The following SPOCD1 variants were observed in gnomAD, a reference collection of about 807,000 sequenced individuals.
SPOCD1 encodes the protein SPOC domain containing 1.
SPOCD1 carries 64 observed loss-of-function variants against 92.2 expected under a neutral mutation model. The ratio of observed to expected loss-of-function variants is 0.69; its 90% confidence interval spans 0.57 to 0.86. SPOCD1 has a LOEUF of 0.86. SPOCD1 is among the 40% of genes least tolerant of loss of function. SPOCD1 has a pLI of 0.00. For synonymous variants in SPOCD1, 578 were observed against 619.3 expected (o/e 0.93, Z 0.99); for missense variants, 1,360 against 1,543.1 (o/e 0.88, Z 1.99).
chr1:31,811,208 A>T (rs939495136), intron 2 of SPOCD1, among the ~76,000 whole-genome samples: 1 of 152,224 alleles, frequency 6.6e-6, no homozygotes. Flanking sequence ...GCAGTGGCTC[A>T]TGCCTGTAAT....
chr1:31,797,240 T>A (rs1648092019), intron 9 of SPOCD1, among the ~76,000 whole-genome samples: 1 of 152,236 alleles, frequency 6.6e-6, no homozygotes, highest in South Asian at 2.1e-4. Flanking sequence ...AATGTCACTC[T>A]ATCTGCAATA....
chr1:31,801,206 C>G (rs188256364), intron 3 of SPOCD1, among the ~76,000 whole-genome samples: 4 of 152,326 alleles, frequency 2.6e-5, no homozygotes, highest in Admixed American at 2.6e-4. Flanking sequence ...ACTACGGAAT[C>G]TGTCCCGCTC....
At chr1:31,806,244 A>G (rs935840682) in intron 2 of SPOCD1, among the ~76,000 whole-genome samples, 1 of 152,138 alleles carries the variant, frequency 6.6e-6, no homozygotes, top group Non-Finnish European at 1.5e-5. Flanking sequence ...AATGAAATCA[A>G]CAAGCTTCAT....
chr1:31,796,490 G>T (rs1341667966), intron 10 of SPOCD1, 100 bp downstream of exon 10: 28 of 1,577,572 alleles, frequency 1.8e-5, no homozygotes, highest in Non-Finnish European at 2.4e-5. Context: ...GGGCCTCAGA[G>T]CAGTCAGGTG....
Position 31,792,633 on chromosome 1 carries a change from G to A in SPOCD1, c.2775+45C>T, listed in dbSNP as rs139807612. 4.6e-4 allele frequency: 680 copies of A among 1,463,084 alleles called. 2 individuals carry two copies. The African/African-American group carries it at 8.7e-3, about 19-fold the overall frequency. The allele number at this position is 1,463,084 out of a possible 1,614,324, so 90.6% of individuals were successfully genotyped here. A position where few individuals can be genotyped will look rare whatever the true frequency, so the allele number is the denominator to read the frequency against. ...TCTAGAAGTGGAGAGGGAGGTGGGAGTAAGGTACTAGGAAAAGAGGGGGTG... is the reference window on the plus strand; with the variant it reads ...TCTAGAAGTGGAGAGGGAGGTGGGAATAAGGTACTAGGAAAAGAGGGGGTG... On this transcript the variant is annotated intron_variant, in intron 14 of 15. Coordinates refer to ENST00000360482, the MANE Select transcript of SPOCD1 (RefSeq NM_144569.7).
chr1:31,809,104 G>A (rs1378848667), intron 2 of SPOCD1, among the ~76,000 whole-genome samples: 4 of 152,114 alleles, frequency 2.6e-5, no homozygotes, highest in Non-Finnish European at 4.4e-5. Flanking sequence ...CAGGAGAATC[G>A]CTTGAACCTG....
rs1429351335 is a variant in SPOCD1, at chr1:31,799,498, A to C, written c.1784-13T>G. On this transcript the variant is annotated splice_polypyrimidine_tract_variant and intron_variant, in intron 6 of 15. Transcript: ENST00000360482. ...TGTTGGAGCTGAGCTGTAGGGAGAGAGCGTCACAGGCTCCCAGGGGTGCCC... is the reference window on the plus strand; with the variant it reads ...TGTTGGAGCTGAGCTGTAGGGAGAGCGCGTCACAGGCTCCCAGGGGTGCCC... 3 of 1,606,200 alleles carry C rather than the reference A, an allele frequency of 1.9e-6. No homozygotes were observed. Among genetic ancestry groups the C allele is most frequent in the East Asian group, 2.2e-5 (1 of 44,734 alleles).
Position 31,799,803 on chromosome 1 carries a change from C to T in SPOCD1, c.1783+6G>A. On this transcript the variant is annotated splice_donor_region_variant and intron_variant, in intron 6 of 15. Transcript: ENST00000360482. Reference sequence around the variant, plus strand: ...AGCAGAAGAGGCTCCCTCCAGGGCCCTTCACCTGAGTCCTCTGGCTGCTCC... The same window carrying T: ...AGCAGAAGAGGCTCCCTCCAGGGCCTTTCACCTGAGTCCTCTGGCTGCTCC... 1 of 1,613,870 alleles carries T rather than the reference C, an allele frequency of 6.2e-7. No individual in the cohort carries two copies. Among genetic ancestry groups the T allele is most frequent in the Non-Finnish European group, 8.5e-7 (1 of 1,180,012 alleles).
At chr1:31,796,407 C>G (rs1377900701) in intron 10 of SPOCD1, 183 bp downstream of exon 10, 1 of 939,978 alleles carries the variant, frequency 1.1e-6, no homozygotes, top group Middle Eastern at 3.2e-4. Flanking sequence ...CAGGCCTGTG[C>G]CAGCAGCACT....
At position 31,793,762 on chromosome 1, in the gene SPOCD1, G is replaced by C; in HGVS notation, c.2519C>G (p.Thr840Arg). The change falls in exon 12 of 16, where the codon ACG becomes AGG. Residue 840 changes from threonine (T) to arginine (R), a missense_variant. By Grantham distance (71) the Thr-to-Arg change is moderately conservative (BLOSUM62 -1). Transcript: ENST00000360482. Reference sequence around the variant, plus strand: ...AACCCCACACCTGTCCTGTGGTTCCGTGGGAGACAACTCCCTGGTTTTGGG... The same window carrying C: ...AACCCCACACCTGTCCTGTGGTTCCCTGGGAGACAACTCCCTGGTTTTGGG... ...EMPKTRELSP[T>R]EPQDRVPPSG... is the part of the protein sequence containing the mutation. 1.9e-6 allele frequency: 3 copies of C among 1,614,152 alleles called. No homozygotes were observed. Among genetic ancestry groups the C allele is most frequent in the Middle Eastern group, 3.3e-4 (2 of 6,060 alleles).
chr1:31,815,437 G>T, intron 1 of SPOCD1, 65 bp from the exon 2 acceptor site: 2 of 1,179,396 alleles, frequency 1.7e-6, no homozygotes, highest in Non-Finnish European at 1.1e-6. Flanking sequence ...CGTTCAGTGG[G>T]AACTGGGAGG....
In SPOCD1 at chr1:31,813,492, T is replaced by C. The variant is rs896810669; in HGVS notation, c.1383+459A>G. Among the ~76,000 whole-genome samples, 3 of 152,242 alleles carry C rather than the reference T, an allele frequency of 2.0e-5. No individual in the cohort carries two copies. The East Asian group carries it at 5.8e-4, about 29-fold the overall frequency. On this transcript the variant is annotated intron_variant, in intron 2 of 15. Coordinates refer to ENST00000360482, the MANE Select transcript of SPOCD1 (RefSeq NM_144569.7). ...GTTGGCCAGGATGGTCTTGATCTCT[T>C]GACCTCGTGATCCGCCTGCCTCTGC...
At chr1:31,793,156 C>A in intron 13 of SPOCD1, 122 bp downstream of exon 13, 12 of 1,258,382 alleles carry the variant, frequency 9.5e-6, no homozygotes, top group Non-Finnish European at 1.2e-5. Context: ...TGCACAGGGC[C>A]AGGCACAGAA....
intron 2 of SPOCD1, among the ~76,000 whole-genome samples, chr1:31,808,914 G>A (rs915689962): frequency 1.8e-4 from 28 of 152,078 alleles, no homozygotes; most frequent in Admixed American, 3.3e-4. Flanking sequence ...GCACAAAACA[G>A]GCCAGGCCTG....
At position 31,798,711 on chromosome 1, in the gene SPOCD1, T is replaced by C. The variant is rs1221324457; in HGVS notation, c.1869-110A>G. 1 of 1,215,092 alleles carries C rather than the reference T, an allele frequency of 8.2e-7. No individual in the cohort carries two copies. The highest frequency in any genetic ancestry group is 1.1e-6 in the Non-Finnish European group (1 of 876,892). The allele number at this position is 1,215,092 out of a possible 1,614,324, so 75.3% of individuals were successfully genotyped here. On this transcript the variant is annotated intron_variant, in intron 7 of 15. Transcript: ENST00000360482. This position sits in a 1 kb window ranked among gnomAD's most constrained non-coding sequence, Gnocchi z 4.1. ...GGCAGGGTCTGGGCCAACTTGTTCC[T>C]GTCGTGGGTGTTTCCCTGCAGGAAC...
intron 3 of SPOCD1, 125 bp from the exon 4 acceptor site, chr1:31,800,742 G>GGCATGTTCTCTATCCTC: frequency 1.2e-6 from 1 of 849,136 alleles, no homozygotes; most frequent in Non-Finnish European, 1.8e-6. Context: ...CGTGAGGATA[G>GGCATGTTCTCTATCCTC]AGAACATGCC....
rs1004394811 is a variant in SPOCD1, at chr1:31,792,532, G to A, written c.2776-131C>T. ...CCATCTTCCAGAGGAGGAAACAGAGGGACCTGTCCAGGGTCACACAGTGAG... is the reference window on the plus strand; with the variant it reads ...CCATCTTCCAGAGGAGGAAACAGAGAGACCTGTCCAGGGTCACACAGTGAG... On this transcript the variant is annotated intron_variant, in intron 14 of 15. Coordinates refer to ENST00000360482, the MANE Select transcript of SPOCD1 (RefSeq NM_144569.7). The A allele has an allele frequency of 5.8e-6, 7 of 1,212,544 alleles. No individual in the cohort carries two copies. The African/African-American group carries it at 9.1e-5, about 16-fold the overall frequency. The allele number at this position is 1,212,544 out of a possible 1,614,324, so 75.1% of individuals were successfully genotyped here. A position where few individuals can be genotyped will look rare whatever the true frequency, so the allele number is the denominator to read the frequency against.
chr1:31,790,862 T>C lies in SPOCD1; in HGVS notation c.3392A>G (p.His1131Arg). 1.3e-6 allele frequency: 2 copies of C among 1,567,082 alleles called. No individual in the cohort carries two copies. The highest frequency in any genetic ancestry group is 2.3e-5 in the East Asian group (1 of 43,736). ...QHPYSVAPAG[H>R]GFGRGQHFHR... ...GAAGTGCTGGCCACGGCCAAAGCCA[T>C]GACCAGCTGGTGCTACTGAATAGGG... Residue 1131 changes from histidine to arginine, a missense_variant, in exon 16 of 16, where the codon CAT becomes CGT. Physicochemically the swap from His to Arg is conservative, Grantham distance 29 (BLOSUM62 0). Around this residue, in one of 3 missense-constraint regions of SPOCD1, gnomAD observed 614 missense variants for 757.8 expected, o/e 0.81. Transcript: ENST00000360482.
Position 31,798,430 on chromosome 1 carries a change from A to T in SPOCD1, c.2028+12T>A. The stretch of plus-strand genomic sequence containing the variant: ...AGAGAGGGGACGCAGCCCAGCCCAA[A>T]GCCCTGCTCACCAGGTTCCTGGGGT... On this transcript the variant is annotated intron_variant, in intron 8 of 15. Transcript: ENST00000360482. The surrounding 1 kb of genome is among the most constrained non-coding windows in gnomAD (Gnocchi z 4.1). 6.2e-7 allele frequency: 1 copy of T among 1,601,998 alleles called. No individual in the cohort carries two copies. Among genetic ancestry groups the T allele is most frequent in the South Asian group, 1.1e-5 (1 of 89,042 alleles).
Sources: gnomAD v4.1 joint callset for allele counts (sites outside exome capture counted in the v4.1 genomes callset) on GRCh38, gnomAD v4.1.1 for gene constraint, gnomAD v4.1.1 regional missense constraint, Gnocchi (gnomAD v3.1) non-coding constraint, MANE v1.5 for transcripts, NCBI Gene and HGNC (gene_info 2026-07-23, HGNC 2026-07-21) for gene names.